The following NMRK1 variants were observed in gnomAD, a reference collection of about 807,000 sequenced individuals.
The protein encoded by NMRK1 is NRK 1.
In NMRK1, 28 loss-of-function variants were observed where a neutral mutation model predicts 29.9. The ratio of observed to expected loss-of-function variants is 0.94; its 90% CI spans 0.69 to 1.28. The LOEUF is 1.28. Among genes scored for constraint, NMRK1 ranks in the 50% most tolerant of loss-of-function variants. NMRK1 has a pLI of 0.00. For synonymous variants in NMRK1, 58 were observed against 73.0 expected (o/e 0.79, Z 1.05); for missense variants, 218 against 233.1 (o/e 0.94, Z 0.42).
At chr9:75,071,580 T>C (rs1395939290) in intron 4 of NMRK1, among the ~76,000 whole-genome samples, 3 of 152,236 alleles carry the variant, frequency 2.0e-5, no homozygotes, top group Non-Finnish European at 2.9e-5. Context: ...CAGGACATTT[T>C]AGATCCTGTG....
Position 75,083,025 on chromosome 9 carries a change from A to G in NMRK1, c.29+62T>C, listed in dbSNP as rs569571110. ...CTTCTCCGTCCCCCACTCCATCCAC[A>G]CAGAAACACCATTTGGACATCCTCA... On this transcript the variant is annotated intron_variant, in intron 2 of 8. Transcript: ENST00000361092. 66 of 1,238,542 alleles carry G rather than the reference A, an allele frequency of 5.3e-5. 2 individuals are homozygous for G. In the South Asian group the frequency reaches 7.5e-4, roughly 14 times the overall value. 76.7% of individuals were successfully genotyped at this position (1,238,542 alleles called of 1,614,324 possible).
At chr9:75,068,822 T>C (rs905506511) in intron 7 of NMRK1, among the ~76,000 whole-genome samples, 174 bp downstream of exon 7, 4 of 152,202 alleles carry the variant, frequency 2.6e-5, no homozygotes, top group African/African-American at 9.6e-5. Flanking sequence ...ATCCAGAAGC[T>C]GACAAGAGCC....
In NMRK1 at chr9:75,083,092, G is replaced by T; in HGVS notation, c.24C>A (p.Ile8=). MKTFIIG[I]SGVTNSGKTT... The stretch of plus-strand genomic sequence containing the variant: ...TTTGTAGCAAAATTACTCACCCACT[G>T]ATTCCAATGATAAATGTTTTCATAA... The change falls in exon 2 of 9, where the codon ATC becomes ATA. Residue 8 remains isoleucine (I), a synonymous_variant. Coordinates refer to ENST00000361092, the MANE Select transcript of NMRK1 (RefSeq NM_017881.3). The T allele has an allele frequency of 3.8e-6, 6 of 1,597,476 alleles. No homozygotes were observed. The South Asian group carries it at 5.5e-5, about 15-fold the overall frequency.
At position 75,077,561 on chromosome 9, in the gene NMRK1, T is replaced by A; in HGVS notation, c.49A>T (p.Thr17Ser). Residue 17 changes from threonine to serine, a missense_variant, in exon 3 of 9, where the codon ACA becomes TCA. By Grantham distance (58) the Thr-to-Ser change is moderately conservative (BLOSUM62 1). Transcript: ENST00000361092. ...TTCTGCAAATTCTTAGCCAGTGTTG[T>A]TTTGCCACTGTTTGTCACACTGAAG... ...GISGVTNSGK[T>S]TLAKNLQKHL... 4 of 1,613,436 alleles carry A rather than the reference T, an allele frequency of 2.5e-6. No homozygotes were observed.
At chr9:75,067,718 G>A (rs1295766547) in intron 7 of NMRK1, among the ~76,000 whole-genome samples, 1 of 152,130 alleles carries the variant, frequency 6.6e-6, no homozygotes, top group Non-Finnish European at 1.5e-5. Flanking sequence ...GAAGCAAGAG[G>A]ATGTTCTTGC....
At chr9:75,065,277 C>T (rs1024905970) in intron 8 of NMRK1, among the ~76,000 whole-genome samples, 8 of 152,094 alleles carry the variant, frequency 5.3e-5, no homozygotes, top group Non-Finnish European at 1.2e-4. Context: ...TCAAGAGATT[C>T]CCCTGCCTCA....
chr9:75,062,893 G>A (rs895522997), intron 8 of NMRK1, among the ~76,000 whole-genome samples: 45 of 152,158 alleles, frequency 3.0e-4, no homozygotes, highest in East Asian at 9.6e-4. Context: ...TTAGCAGGGC[G>A]TGGTAGTGCG....
At chr9:75,076,183 C>T (rs1191577342) in intron 4 of NMRK1, among the ~76,000 whole-genome samples, 1 of 152,206 alleles carries the variant, frequency 6.6e-6, no homozygotes, top group Non-Finnish European at 1.5e-5. Context: ...CCTAAATACC[C>T]ATCGATGAAT....
In NMRK1 at chr9:75,078,503, C is replaced by G. The variant is rs552864146; in HGVS notation, c.30-923G>C. The stretch of plus-strand genomic sequence containing the variant: ...CTCCTCTTTAGATCTAGTTTTGCAG[C>G]ATCGAGGAGATCACACGGGAGGGAG... On this transcript the variant is annotated intron_variant, in intron 2 of 8. Coordinates refer to ENST00000361092, the MANE Select transcript of NMRK1 (RefSeq NM_017881.3). 1,765 of 1,376,012 alleles carry G rather than the reference C, an allele frequency of 1.3e-3. 2 individuals carry two copies. Among genetic ancestry groups the G allele is most frequent in the Non-Finnish European group, 1.6e-3 (1,667 of 1,056,454 alleles). 85.2% of individuals were successfully genotyped at this position (1,376,012 alleles called of 1,614,324 possible).
At chr9:75,078,211 A>G (rs1332766308) in intron 2 of NMRK1, 2 of 1,458,644 alleles carry the variant, frequency 1.4e-6, no homozygotes, top group African/African-American at 2.8e-5. Flanking sequence ...TGCAACACAG[A>G]GAATATGAGT....
chr9:75,069,442 C>A (rs1252759950), intron 6 of NMRK1: 1 of 471,858 alleles, frequency 2.1e-6, no homozygotes, highest in African/African-American at 2.0e-5. Context: ...TTCTTTGTAG[C>A]TGTGGCAGAA....
chr9:75,082,068 G>A (rs1824354392), intron 2 of NMRK1, among the ~76,000 whole-genome samples: 1 of 152,176 alleles, frequency 6.6e-6, no homozygotes, highest in Non-Finnish European at 1.5e-5. Flanking sequence ...CATACATCAT[G>A]ATATTCAGAT....
chr9:75,085,228 T>G (rs995267893), intron 1 of NMRK1, among the ~76,000 whole-genome samples: 21 of 152,232 alleles, frequency 1.4e-4, no homozygotes, highest in African/African-American at 5.1e-4. Flanking sequence ...AAGTATAGCT[T>G]TAGCGATTAC....
chr9:75,072,655 T>A (rs1823765412), intron 4 of NMRK1, among the ~76,000 whole-genome samples: 1 of 152,200 alleles, frequency 6.6e-6, no homozygotes. Context: ...CTTCTGCATA[T>A]CTTTGAAATT....
intron 2 of NMRK1, among the ~76,000 whole-genome samples, chr9:75,079,820 G>C (rs1311050841): frequency 6.6e-6 from 1 of 152,158 alleles, no homozygotes; most frequent in Non-Finnish European, 1.5e-5. Context: ...AAACATGTGG[G>C]AAAGGAATAG....
At chr9:75,065,484 A>T (rs932652073) in intron 8 of NMRK1, among the ~76,000 whole-genome samples, 3 of 152,052 alleles carry the variant, frequency 2.0e-5, no homozygotes, top group South Asian at 2.1e-4. Context: ...TTTTTAAAAA[A>T]TTTTAATTTT....
rs577447837 is a variant in NMRK1, at chr9:75,085,069, C to A, written c.-35-1919G>T. Among the ~76,000 whole-genome samples the A allele has an allele frequency of 4.3e-4, 66 of 152,172 alleles. 3 individuals are homozygous for A. In the South Asian group the frequency reaches 0.013, roughly 31 times the overall value. Reference sequence around the variant, plus strand: ...TCTCACTTTTGTGGTGATAAATGTTCTTTCTCTTACAAAACTATGTTGTCA... The same window carrying A: ...TCTCACTTTTGTGGTGATAAATGTTATTTCTCTTACAAAACTATGTTGTCA... On this transcript the variant is annotated intron_variant, in intron 1 of 8. Coordinates refer to ENST00000361092, the MANE Select transcript of NMRK1 (RefSeq NM_017881.3).
chr9:75,085,096 AAGATGTTAGT>A (rs1374470404), intron 1 of NMRK1, among the ~76,000 whole-genome samples: 2 of 152,210 alleles, frequency 1.3e-5, no homozygotes, highest in African/African-American at 4.8e-5. Flanking sequence ...ATGTTGTCAG[AAGATGTTAGT>A]AGAGTGATAT....
chr9:75,074,170 G>A (rs575859363), intron 4 of NMRK1, among the ~76,000 whole-genome samples: 79 of 150,890 alleles, frequency 5.2e-4, no homozygotes, highest in Admixed American at 2.0e-4. Flanking sequence ...TGATTCTCCC[G>A]CTTCGGCTTC....
Sources: gnomAD v4.1 joint callset for allele counts (sites outside exome capture counted in the v4.1 genomes callset) on GRCh38, gnomAD v4.1.1 for gene constraint, MANE v1.5 for transcripts, NCBI Gene and HGNC (gene_info 2026-07-23, HGNC 2026-07-21) for gene names.